Variants in GRIK4 observed in about 807,000 individuals in gnomAD.
GRIK4 encodes the protein glutamate receptor ionotropic, kainate 4.
Under a neutral mutation model 104.9 loss-of-function variants are expected in GRIK4, and 40 were observed. That is an observed-to-expected ratio of 0.38 (90% CI 0.30 to 0.50). The LOEUF is 0.50. Ranked by LOEUF, GRIK4 falls within the 20% of genes least tolerant of loss-of-function variation. The probability of loss-of-function intolerance (pLI) is 0.93; values close to 1 mark genes in which losing one functional copy is unlikely to be tolerated. For missense variants in GRIK4, 1,047 were observed against 1,308.1 expected, an observed-to-expected ratio of 0.80 and a Z score of 3.08; for synonymous variants, 485 against 524.9, an observed-to-expected ratio of 0.92 and a Z score of 1.04.
In GRIK4 at chr11:120,831,933, G is replaced by A. The variant is rs562688896; in HGVS notation, c.593G>A (p.Arg198Gln). The change falls in exon 7 of 21, where the codon CGG (arginine) becomes CAG (glutamine). Residue 198 changes from arginine (R) to glutamine (Q), a missense_variant. Physicochemically the swap from Arg to Gln is conservative, Grantham distance 43. Around this residue, in one of 3 missense-constraint regions of GRIK4, gnomAD observed 447 missense variants for 514.9 expected, o/e 0.87. Transcript: ENST00000527524. ...TCCGTCCGCATGCTGGATGACACCCGGGACCCCACCCCGCTCCTCAAGGAG... is the reference window on the plus strand; with the variant it reads ...TCCGTCCGCATGCTGGATGACACCCAGGACCCCACCCCGCTCCTCAAGGAG... ...TLSVRMLDDT[R>Q]DPTPLLKEIR... The A allele has an allele frequency of 2.0e-5, 33 of 1,613,836 alleles. No individual in the cohort carries two copies. The highest frequency in any genetic ancestry group is 2.5e-5 in the Non-Finnish European group (30 of 1,179,848).
chr11:120,578,302 GT>G (rs1948514005), intron 1 of GRIK4, among the ~76,000 whole-genome samples: 1 of 152,162 alleles, frequency 6.6e-6, no homozygotes, highest in Non-Finnish European at 1.5e-5. Flanking sequence ...GAAAGGGGAG[GT>G]GAGAAGTTAC....
intron 1 of GRIK4, among the ~76,000 whole-genome samples, chr11:120,634,863 C>G (rs985421724): frequency 9.9e-5 from 15 of 152,168 alleles, no homozygotes; most frequent in Admixed American, 3.3e-4. Context: ...TGTGACCTGC[C>G]TGCTACTTGA....
chr11:120,660,333 G>T lies in GRIK4; in HGVS notation c.15G>T (p.Ser5=), dbSNP rs111487154. Reference sequence around the variant, plus strand: ...ATTCATAGAAGATGCCCCGCGTCTCGGCGCCTTTGGTGCTGCTTCCTGCGT... The same window carrying T: ...ATTCATAGAAGATGCCCCGCGTCTCTGCGCCTTTGGTGCTGCTTCCTGCGT... MPRV[S]APLVLLPAWL... Residue 5 remains serine (S), a synonymous_variant, in exon 3 of 21, where the codon TCG becomes TCT. Transcript: ENST00000527524. The T allele has an allele frequency of 1.1e-3, 1,826 of 1,613,142 alleles. 2 individuals are homozygous for T. Among genetic ancestry groups the T allele is most frequent in the Non-Finnish European group, 1.4e-3 (1,685 of 1,179,724 alleles).
At chr11:120,920,627 C>T (rs904629539) in intron 13 of GRIK4, among the ~76,000 whole-genome samples, 2 of 151,568 alleles carry the variant, frequency 1.3e-5, no homozygotes, top group African/African-American at 2.4e-5. Flanking sequence ...TCACATATTC[C>T]CCCCAGGAGG....
intron 4 of GRIK4, among the ~76,000 whole-genome samples, chr11:120,809,402 G>A (rs1191816501): frequency 6.6e-6 from 1 of 152,192 alleles, no homozygotes; most frequent in Non-Finnish European, 1.5e-5. Context: ...TGCAGAATCA[G>A]CATGCAGGGG....
chr11:120,758,813 A>G (rs546336889), intron 3 of GRIK4, among the ~76,000 whole-genome samples: 6 of 152,234 alleles, frequency 3.9e-5, no homozygotes, highest in African/African-American at 1.2e-4. Flanking sequence ...TTATCTACCA[A>G]CTTCTCAAGG....
chr11:120,544,039 G>T (rs1324773358), intron 1 of GRIK4, among the ~76,000 whole-genome samples: 1 of 152,264 alleles, frequency 6.6e-6, no homozygotes, highest in African/African-American at 2.4e-5. Flanking sequence ...AGGCGAGTCA[G>T]TTCTGGCGAG....
rs145602068 is a variant in GRIK4, at chr11:120,641,027, T to C, written c.-158-12658T>C. On this transcript the variant is annotated intron_variant, in intron 1 of 20. Transcript: ENST00000527524. ...GCGCCCGGCCCAGAAATGCTAAACC[T>C]TTTTAACGATGGTGCAACTTTGTCC... 1.8e-3 allele frequency among the ~76,000 whole-genome samples: 269 copies of C among 152,360 alleles called. 3 individuals are homozygous for C. The South Asian group carries it at 0.031, about 17-fold the overall frequency.
At chr11:120,955,330 C>T (rs901826307) in intron 15 of GRIK4, among the ~76,000 whole-genome samples, 4 of 152,184 alleles carry the variant, frequency 2.6e-5, no homozygotes, top group African/African-American at 7.2e-5. Flanking sequence ...AATGCTGAGA[C>T]GTTTGTGTTG....
In GRIK4 at chr11:120,897,353, G is replaced by T. The variant is rs144299036; in HGVS notation, c.1165-1179G>T. On this transcript the variant is annotated intron_variant, in intron 11 of 20. Transcript: ENST00000527524. The stretch of plus-strand genomic sequence containing the variant: ...AAAACTTGGTAAAAGAGTACATCTC[G>T]GCCGGGCGCGGTGGCTCATGCCTGT... Among the ~76,000 whole-genome samples the T allele has an allele frequency of 7.1e-3, 1,071 of 151,198 alleles. 13 individuals carry two copies. Among genetic ancestry groups the T allele is most frequent in the African/African-American group, 0.024 (1,008 of 41,200 alleles).
chr11:120,516,306 G>A (rs1222863259), intron 1 of GRIK4, among the ~76,000 whole-genome samples: 1 of 152,148 alleles, frequency 6.6e-6, no homozygotes, highest in East Asian at 1.9e-4. Context: ...GCAGGAGCTG[G>A]CAGGGGTGCT....
intron 1 of GRIK4, among the ~76,000 whole-genome samples, chr11:120,572,713 C>T (rs896069959): frequency 6.6e-6 from 1 of 152,184 alleles, no homozygotes. Flanking sequence ...ATTCCCAAGC[C>T]CTGCTTTAGC....
chr11:120,883,789 T>G (rs1055813374), intron 11 of GRIK4, among the ~76,000 whole-genome samples: 7 of 152,236 alleles, frequency 4.6e-5, no homozygotes, highest in Non-Finnish European at 1.0e-4. Context: ...AATGTATTTC[T>G]TATAATGTGC....
At chr11:120,751,002 A>C (rs769669183) in intron 3 of GRIK4, among the ~76,000 whole-genome samples, 1 of 152,198 alleles carries the variant, frequency 6.6e-6, no homozygotes, top group South Asian at 2.1e-4. Context: ...TTGCAACGTG[A>C]AAGTTAATTG....
intron 1 of GRIK4, among the ~76,000 whole-genome samples, chr11:120,530,858 C>A (rs1339724377): frequency 6.6e-6 from 1 of 152,166 alleles, no homozygotes; most frequent in Non-Finnish European, 1.5e-5. Flanking sequence ...TTGTTAGACC[C>A]CGCTTCCCTA....
chr11:120,972,032 C>T (rs537999739), intron 19 of GRIK4, among the ~76,000 whole-genome samples: 2 of 152,308 alleles, frequency 1.3e-5, no homozygotes, highest in Admixed American at 1.3e-4. Context: ...TCCTGGAAGT[C>T]TTCTGTTCTG....
intron 3 of GRIK4, among the ~76,000 whole-genome samples, chr11:120,773,331 A>G (rs1365487588): frequency 1.3e-5 from 2 of 152,246 alleles, no homozygotes; most frequent in African/African-American, 4.8e-5. Flanking sequence ...GCAGATGTCT[A>G]TTTCCGACAG....
chr11:120,518,350 A>C (rs1188128446), intron 1 of GRIK4, among the ~76,000 whole-genome samples: 1 of 152,140 alleles, frequency 6.6e-6, no homozygotes, highest in Non-Finnish European at 1.5e-5. Flanking sequence ...TTGCATCCTC[A>C]TAGTGTCTCT....
chr11:120,688,622 G>A (rs1269484739), intron 3 of GRIK4, among the ~76,000 whole-genome samples: 1 of 152,218 alleles, frequency 6.6e-6, no homozygotes, highest in Non-Finnish European at 1.5e-5. Flanking sequence ...TCCCATGGGT[G>A]AGTAGCAGCA....
Sources: gnomAD v4.1 joint callset for allele counts (sites outside exome capture counted in the v4.1 genomes callset) on GRCh38, gnomAD v4.1.1 for gene constraint, gnomAD v4.1.1 regional missense constraint, MANE v1.5 for transcripts, NCBI Gene and HGNC (gene_info 2026-07-23, HGNC 2026-07-21) for gene names.